ACOT7: variants seen among roughly 807,000 people sequenced by gnomAD.
ACOT7 encodes cytosolic acyl coenzyme A thioester hydrolase.
ACOT7 carries 12 observed loss-of-function variants against 40.2 expected under a neutral mutation model. That is an observed-to-expected ratio of 0.30 (90% confidence interval 0.19 to 0.48). The LOEUF (loss-of-function observed/expected upper bound fraction) is 0.48. Among genes scored for constraint, ACOT7 ranks in the 20% least tolerant of loss-of-function variants. ACOT7 has a pLI of 0.99. For synonymous variants in ACOT7, 228 were observed against 219.5 expected (o/e 1.04, Z -0.34); for missense variants, 395 against 530.8 (o/e 0.74, Z 2.51).
intron 7 of ACOT7, among the ~76,000 whole-genome samples, chr1:6,287,678 C>A (rs1374115791): frequency 6.6e-6 from 1 of 152,168 alleles, no homozygotes; most frequent in Non-Finnish European, 1.5e-5. Context: ...GGGCGTCTCT[C>A]CAGGGGCGGC....
rs895228856 is a variant in ACOT7, at chr1:6,288,337, G to A, written c.829+6527C>T. Among the ~76,000 whole-genome samples, 4 of 152,194 alleles carry A rather than the reference G, an allele frequency of 2.6e-5. No homozygotes were observed. Among genetic ancestry groups the A allele is most frequent in the South Asian group, 4.1e-4 (2 of 4,836 alleles). ...TGAGATCCAGTCGCACAGATGAAGC[G>A]GTCCTTCCTTCACCCCAACTGCCTG... On this transcript the variant is annotated intron_variant, in intron 7 of 8. Transcript: ENST00000361521. The surrounding 1 kb of genome is among the most constrained non-coding windows in gnomAD (Gnocchi z 4.3).
At chr1:6,360,421 C>T (rs1408157740) in intron 1 of ACOT7, 6 of 1,163,266 alleles carry the variant, frequency 5.2e-6, no homozygotes, top group African/African-American at 3.1e-5. Flanking sequence ...CTGCCCATCT[C>T]GGCCCATCTT....
At chr1:6,334,681 A>G (rs1311711035) in intron 3 of ACOT7, among the ~76,000 whole-genome samples, 5 of 152,234 alleles carry the variant, frequency 3.3e-5, no homozygotes, top group Non-Finnish European at 7.3e-5. Flanking sequence ...GTGGGGCTGC[A>G]GGACAGGGAA....
At chr1:6,335,663 G>A (rs1309496394) in intron 3 of ACOT7, among the ~76,000 whole-genome samples, 1 of 152,168 alleles carries the variant, frequency 6.6e-6, no homozygotes, top group Non-Finnish European at 1.5e-5. Flanking sequence ...GCCTCCCCAA[G>A]GCAAAGCGCT....
At chr1:6,337,848 G>A (rs1425970902) in intron 3 of ACOT7, among the ~76,000 whole-genome samples, 1 of 152,046 alleles carries the variant, frequency 6.6e-6, no homozygotes, top group African/African-American at 2.4e-5. Context: ...GGTGGCTCAT[G>A]CCTGTAATCC....
chr1:6,271,731 A>G (rs1474863244), intron 8 of ACOT7, among the ~76,000 whole-genome samples: 26 of 152,242 alleles, frequency 1.7e-4, no homozygotes. Flanking sequence ...AGCAGCCGGA[A>G]GTCTCAAATA....
chr1:6,272,849 T>C (rs67609959), intron 8 of ACOT7, among the ~76,000 whole-genome samples: 12,462 of 152,288 alleles, frequency 0.082, 612 homozygotes, highest in Non-Finnish European at 0.11. Context: ...CTAGCCGGGA[T>C]GCTCCCTCGG....
intron 3 of ACOT7, among the ~76,000 whole-genome samples, chr1:6,333,922 C>G (rs1641030110): frequency 1.3e-5 from 2 of 152,174 alleles, no homozygotes; most frequent in African/African-American, 4.8e-5. Flanking sequence ...GGGCAGTTCT[C>G]CCTTTCCAGG....
At chr1:6,295,060 C>T (rs868517540) in intron 6 of ACOT7, 80 bp from the exon 7 acceptor site, 9 of 1,137,142 alleles carry the variant, frequency 7.9e-6, no homozygotes, top group Middle Eastern at 2.0e-4. Flanking sequence ...AGTTACAACT[C>T]GAGCCCTCCC....
intron 7 of ACOT7, among the ~76,000 whole-genome samples, chr1:6,286,321 G>A (rs1263760846): frequency 6.6e-6 from 1 of 152,190 alleles, no homozygotes; most frequent in African/African-American, 2.4e-5. Context: ...TTAGTTCTGG[G>A]GAAGGCGGCC....
chr1:6,306,253 A>C lies in ACOT7; in HGVS notation c.713-11273T>G. 1.0e-6 allele frequency: 1 copy of C among 984,348 alleles called. No homozygotes were observed. The highest frequency in any genetic ancestry group is 1.2e-6 in the Non-Finnish European group (1 of 829,764). The allele number at this position is 984,348 out of a possible 1,614,324, so 61.0% of individuals were successfully genotyped here. On this transcript the variant is annotated intron_variant, in intron 6 of 8. Coordinates refer to ENST00000361521, the MANE Select transcript of ACOT7 (RefSeq NM_007274.4). The surrounding 1 kb of genome is among the most constrained non-coding windows in gnomAD (Gnocchi z 4.3). ...GAGGGAGAGGACGTTCTTACGGTTC[A>C]TGGCAAGACCTCAACCAAATACTCC... is the stretch of plus-strand genomic sequence containing the variant.
chr1:6,296,231 C>G (rs1010417798), intron 6 of ACOT7, among the ~76,000 whole-genome samples: 13 of 152,086 alleles, frequency 8.5e-5, no homozygotes, highest in Admixed American at 8.5e-4. Flanking sequence ...GTATGTGGAT[C>G]ATCGTCAGTA....
intron 6 of ACOT7, among the ~76,000 whole-genome samples, chr1:6,317,728 C>CT (rs988852778): frequency 0.059 from 8,076 of 135,790 alleles, 693 homozygotes; most frequent in African/African-American, 0.19. Flanking sequence ...CAGAGTCTTT[C>CT]TTTTTTTTTT....
At position 6,306,063 on chromosome 1, in the gene ACOT7, C is replaced by T. The variant is rs1241539247; in HGVS notation, c.713-11083G>A. On this transcript the variant is annotated intron_variant, in intron 6 of 8. Transcript: ENST00000361521. The surrounding 1 kb of genome is among the most constrained non-coding windows in gnomAD (Gnocchi z 4.3). ...AACCAGTCAGGCGTGGCGGCGCGCG[C>T]CTGCAATCGCAGGCACTCGGCAGGC... Among the ~76,000 whole-genome samples, 15 of 151,064 alleles carry T rather than the reference C, an allele frequency of 9.9e-5. No individual in the cohort carries two copies. Among genetic ancestry groups the T allele is most frequent in the African/African-American group, 3.2e-4 (13 of 40,452 alleles).
At chr1:6,371,374 T>TTG (rs1642130651) in intron 1 of ACOT7, among the ~76,000 whole-genome samples, 1 of 151,788 alleles carries the variant, frequency 6.6e-6, no homozygotes, top group South Asian at 2.1e-4. Flanking sequence ...TTTTTTTTTT[T>TTG]TTGAGACAGA....
chr1:6,370,795 T>C (rs1367221766), intron 1 of ACOT7, among the ~76,000 whole-genome samples: 1 of 145,868 alleles, frequency 6.9e-6, no homozygotes, highest in Non-Finnish European at 1.5e-5. Flanking sequence ...GCACAGCCAA[T>C]GATTAGTATT....
At chr1:6,384,736 T>C (rs902880897) in intron 1 of ACOT7, among the ~76,000 whole-genome samples, 12 of 151,512 alleles carry the variant, frequency 7.9e-5, no homozygotes, top group Non-Finnish European at 1.5e-4. Flanking sequence ...CAGCCACCAG[T>C]TCTCTCATTA....
At chr1:6,315,328 G>A (rs1305143124) in intron 6 of ACOT7, among the ~76,000 whole-genome samples, 1 of 152,214 alleles carries the variant, frequency 6.6e-6, no homozygotes, top group Non-Finnish European at 1.5e-5. Context: ...TGAAGATTTT[G>A]ATTCAAATGA....
At chr1:6,363,249 G>A (rs759683737) in intron 1 of ACOT7, among the ~76,000 whole-genome samples, 12 of 152,192 alleles carry the variant, frequency 7.9e-5, no homozygotes, top group East Asian at 1.9e-4. Flanking sequence ...TTGGTCTAGC[G>A]GTAACGCCAG....
Sources: gnomAD v4.1 joint callset for allele counts (sites outside exome capture counted in the v4.1 genomes callset) on GRCh38, gnomAD v4.1.1 for gene constraint, Gnocchi (gnomAD v3.1) non-coding constraint, MANE v1.5 for transcripts, NCBI Gene and HGNC (gene_info 2026-07-23, HGNC 2026-07-21) for gene names.